The following SYTL2 variants were observed in gnomAD, a reference collection of about 807,000 sequenced individuals.
SYTL2 encodes the protein synaptotagmin like 2.
SYTL2 carries 165 observed loss-of-function variants against 198.7 expected under a neutral mutation model. That is an observed-to-expected ratio of 0.83 (90% CI 0.73 to 0.94). The LOEUF is 0.94. Ranked by LOEUF, SYTL2 falls within the 40% of genes least tolerant of loss-of-function variation. The pLI is 0.00. For missense variants in SYTL2, 2,835 were observed against 2,582.8 expected (o/e 1.10, Z -2.12); for synonymous variants, 966 against 917.7 (o/e 1.05, Z -0.95).
intron 2 of SYTL2, among the ~76,000 whole-genome samples, chr11:85,753,649 T>C (rs1472160372): frequency 6.6e-6 from 1 of 151,414 alleles, no homozygotes; most frequent in East Asian, 1.9e-4. Context: ...TACACACATG[T>C]GGTTTTAGCT....
In SYTL2 at chr11:85,711,238, A is replaced by G. The variant is rs2086225894; in HGVS notation, c.5626-6T>C. On this transcript the variant is annotated splice_region_variant and splice_polypyrimidine_tract_variant and intron_variant, in intron 12 of 19. Coordinates refer to ENST00000359152, the MANE Select transcript of SYTL2 (RefSeq NM_206927.4). ...TCTGTTTCTCTGTCATCACTCTACA[A>G]AACAGCATATAATATGCACAATATT... 2 of 1,612,914 alleles carry G rather than the reference A, an allele frequency of 1.2e-6. No homozygotes were observed. Among genetic ancestry groups the G allele is most frequent in the African/African-American group, 2.7e-5 (2 of 74,858 alleles).
At chr11:85,699,001 A>C (rs1039417382) in intron 17 of SYTL2, among the ~76,000 whole-genome samples, 1 of 151,324 alleles carries the variant, frequency 6.6e-6, no homozygotes, top group African/African-American at 2.5e-5. Flanking sequence ...GGGTTAGCTC[A>C]ATCAGTCAAC....
chr11:85,853,056 G>C, the SYTL2 span: 1 of 297,634 alleles, frequency 3.4e-6, no homozygotes, highest in East Asian at 1.5e-4. Flanking sequence ...GAGCGCCTCC[G>C]CCCGGCCGCC....
At chr11:85,847,670 G>C in the SYTL2 span, among the ~76,000 whole-genome samples, 1 of 152,124 alleles carries the variant, frequency 6.6e-6, no homozygotes, top group African/African-American at 2.4e-5. Context: ...ATTCCAGTAG[G>C]TGTGTAGTAG....
At chr11:85,728,224 T>C (rs2089438801) in intron 7 of SYTL2, among the ~76,000 whole-genome samples, 1 of 152,206 alleles carries the variant, frequency 6.6e-6, no homozygotes, top group Non-Finnish European at 1.5e-5. Context: ...AAAAATTTCT[T>C]TGTAGTTCCT....
chr11:85,794,631 T>C (rs2092777168), intron 1 of SYTL2, among the ~76,000 whole-genome samples: 1 of 152,216 alleles, frequency 6.6e-6, no homozygotes, highest in Non-Finnish European at 1.5e-5. Context: ...GTGAGGAAAC[T>C]TGCATTTATC....
the SYTL2 span, among the ~76,000 whole-genome samples, chr11:85,834,845 A>C: frequency 6.6e-6 from 1 of 151,612 alleles, no homozygotes; most frequent in African/African-American, 2.4e-5. Context: ...CCATAACCTC[A>C]AACTCCTGGG....
the SYTL2 span, among the ~76,000 whole-genome samples, chr11:85,816,915 CAAAAAAA>C: frequency 1.2e-4 from 10 of 80,918 alleles, no homozygotes; most frequent in African/African-American, 4.5e-4. Context: ...AACCCTGTCT[CAAAAAAA>C]AAAAAAAAAA....
chr11:85,727,755 T>C lies in SYTL2; in HGVS notation c.1603A>G (p.Asn535Asp). 6.4e-7 allele frequency: 1 copy of C among 1,560,728 alleles called. No individual in the cohort carries two copies. The highest frequency in any genetic ancestry group is 8.7e-7 in the Non-Finnish European group (1 of 1,151,844). ...WFNRSSYSDDNKSFLQHPRGI... is the reference protein window; with the variant it reads ...WFNRSSYSDDDKSFLQHPRGI... ...CGGGGATGTTGGAGGAATGACTTAT[T>C]GTCATCTGAATAAGAACTTCGGTTA... The change falls in exon 8 of 20, where the codon AAT (asparagine) becomes GAT (aspartate). Residue 535 changes from asparagine to aspartate, a missense_variant. Physicochemically the swap from Asn to Asp is conservative, Grantham distance 23. This residue lies in a region of SYTL2 where 2,645 missense variants were observed against 2,381.7 expected (regional missense o/e 1.11). Transcript: ENST00000359152.
intron 14 of SYTL2, 29 bp downstream of exon 14, chr11:85,709,302 G>C (rs2085823160): frequency 2.5e-6 from 4 of 1,608,512 alleles, no homozygotes; most frequent in Non-Finnish European, 3.4e-6. Context: ...AGAACTAAGA[G>C]AAGGTAGGTG....
intron 5 of SYTL2, 112 bp downstream of exon 5, chr11:85,737,463 G>C: frequency 1.3e-6 from 1 of 779,018 alleles, no homozygotes; most frequent in Non-Finnish European, 2.1e-6. Flanking sequence ...CCTGTATTTG[G>C]TACCAAAAAA....
At chr11:85,820,818 A>C in the SYTL2 span, among the ~76,000 whole-genome samples, 4 of 152,248 alleles carry the variant, frequency 2.6e-5, no homozygotes. Context: ...TAGGCTGCAC[A>C]CTTAAGATTT....
chr11:85,707,353 T>C lies in SYTL2; in HGVS notation c.6018+76A>G, dbSNP rs908215531. 8 of 953,990 alleles carry C rather than the reference T, an allele frequency of 8.4e-6. No homozygotes were observed. The Admixed American group carries it at 1.3e-4, about 15-fold the overall frequency. The allele number at this position is 953,990 out of a possible 1,614,324, so 59.1% of individuals were successfully genotyped here. The stretch of plus-strand genomic sequence containing the variant: ...TCTCTTGGTGACTGACTTTATCCTG[T>C]AGAGCTACTACCCAAAGAAGACATG... On this transcript the variant is annotated intron_variant, in intron 15 of 19. Transcript: ENST00000359152.
rs2153489424 is a variant in SYTL2 at position 85,734,706 on chromosome 11, G to A, written c.623C>T (p.Ala208Val). Residue 208 changes from alanine to valine, a missense_variant, in exon 7 of 20, where the codon GCA (alanine) becomes GTA (valine). Ala to Val is a moderately conservative substitution (Grantham distance 64). Transcript: ENST00000359152. ...CTCTAACTTTTGGATTGAAGTATCT[G>A]CGACAGTTGACTTTTCTTTTGACTC... ...LSESKEKSTV[A>V]DTSIQKLEKS... 3 of 1,613,546 alleles carry A rather than the reference G, an allele frequency of 1.9e-6. No homozygotes were observed. Among genetic ancestry groups the A allele is most frequent in the Non-Finnish European group, 2.5e-6 (3 of 1,179,876 alleles).
At chr11:85,807,836 C>T (rs773174676) in intron 1 of SYTL2, among the ~76,000 whole-genome samples, 13 of 152,128 alleles carry the variant, frequency 8.5e-5, no homozygotes, top group Non-Finnish European at 1.5e-4. Context: ...CTTCGGGGCT[C>T]ACAAACAAGA....
the SYTL2 span, among the ~76,000 whole-genome samples, chr11:85,830,814 A>G: frequency 3.9e-5 from 6 of 152,244 alleles, no homozygotes; most frequent in East Asian, 1.2e-3. Flanking sequence ...ACATTTTTAA[A>G]TTAACATTTC....
the SYTL2 span, among the ~76,000 whole-genome samples, chr11:85,821,544 A>G: frequency 1.3e-5 from 2 of 152,354 alleles, no homozygotes; most frequent in South Asian, 2.1e-4. Flanking sequence ...ATGGCCAGAC[A>G]TGTTAAAATC....
At chr11:85,808,498 G>T (rs1207643306) in intron 1 of SYTL2, among the ~76,000 whole-genome samples, 1 of 151,986 alleles carries the variant, frequency 6.6e-6, no homozygotes. Context: ...GAAAAAAGTG[G>T]ATGTCTCCCC....
chr11:85,728,978 T>C (rs534146627), intron 7 of SYTL2, among the ~76,000 whole-genome samples: 28 of 152,068 alleles, frequency 1.8e-4, no homozygotes, highest in Admixed American at 1.6e-3. Flanking sequence ...CCAACAAAGA[T>C]CAAAAAGACA....
Sources: gnomAD v4.1 joint callset for allele counts (sites outside exome capture counted in the v4.1 genomes callset) on GRCh38, gnomAD v4.1.1 for gene constraint, gnomAD v4.1.1 regional missense constraint, MANE v1.5 for transcripts, NCBI Gene and HGNC (gene_info 2026-07-23, HGNC 2026-07-21) for gene names.